The following FSTL4 variants were observed in gnomAD, a reference collection of about 807,000 sequenced individuals.
FSTL4 encodes follistatin like 4.
In FSTL4, 28 loss-of-function variants were observed where a neutral mutation model predicts 78.2. That is an observed-to-expected ratio of 0.36 (90% CI 0.27 to 0.49). FSTL4 has a LOEUF of 0.49. Ranked by LOEUF, FSTL4 falls within the 20% of genes least tolerant of loss-of-function variation. The pLI, the probability that FSTL4 is intolerant of heterozygous loss-of-function variation, is 0.98. For missense variants in FSTL4, 922 were observed against 1,084.9 expected, an observed-to-expected ratio of 0.85 and a Z score of 2.11; for synonymous variants, 422 against 440.5, an observed-to-expected ratio of 0.96 and a Z score of 0.53.
chr5:133,230,208 A>G (rs1052218377), intron 8 of FSTL4, among the ~76,000 whole-genome samples: 2 of 152,160 alleles, frequency 1.3e-5, no homozygotes, highest in Non-Finnish European at 2.9e-5. Flanking sequence ...GCAGACCCAC[A>G]TGAATCGCAT....
chr5:133,703,536 C>T, the FSTL4 span, among the ~76,000 whole-genome samples: 1 of 152,314 alleles, frequency 6.6e-6, no homozygotes, highest in South Asian at 2.1e-4. Context: ...GAGACACTTC[C>T]GTAGAATGTC....
Position 133,426,929 on chromosome 5 carries a change from T to A in FSTL4, c.161-25943A>T, listed in dbSNP as rs375421335. On this transcript the variant is annotated intron_variant, in intron 3 of 15. Coordinates refer to ENST00000265342, the MANE Select transcript of FSTL4 (RefSeq NM_015082.2). The surrounding 1 kb of genome is among the most constrained non-coding windows in gnomAD (Gnocchi z 5.0). ...AAAACAACCTAAATCTCAGCATGTC[T>A]TATGTTCTCAGTGTTCCGTCTCTCA... Among the ~76,000 whole-genome samples, 10 of 152,194 alleles carry A rather than the reference T, an allele frequency of 6.6e-5. No individual in the cohort carries two copies. The East Asian group carries it at 9.6e-4, about 15-fold the overall frequency.
At chr5:133,493,660 G>A (rs774960789) in intron 3 of FSTL4, among the ~76,000 whole-genome samples, 15 of 152,148 alleles carry the variant, frequency 9.9e-5, no homozygotes, top group African/African-American at 2.7e-4. Context: ...TGGGTCTGAC[G>A]CTGCCCCCTC....
intron 4 of FSTL4, among the ~76,000 whole-genome samples, chr5:133,375,703 A>G (rs1755418161): frequency 6.6e-6 from 1 of 152,210 alleles, no homozygotes; most frequent in Non-Finnish European, 1.5e-5. Context: ...GATCCATTAG[A>G]GGCAACTACC....
At chr5:133,374,340 C>G (rs900822888) in intron 4 of FSTL4, among the ~76,000 whole-genome samples, 2 of 152,144 alleles carry the variant, frequency 1.3e-5, no homozygotes, top group Non-Finnish European at 2.9e-5. Flanking sequence ...GGAAAGGGGT[C>G]CACACAGGGG....
Position 133,199,642 on chromosome 5 carries a change from C to T in FSTL4, c.1982G>A (p.Arg661Gln), listed in dbSNP as rs140560463. ...GGCAGCAGAGGCGGGGCTGTCCTGTCGGCACTGGATGAAGAAGTAGCCGCC... is the reference window on the plus strand; with the variant it reads ...GGCAGCAGAGGCGGGGCTGTCCTGTTGGCACTGGATGAAGAAGTAGCCGCC... The part of the protein sequence containing the change: ...HLGGYFFIQC[R>Q]QDSPASAARQ... Residue 661 changes from arginine (R) to glutamine (Q), a missense_variant, in exon 16 of 16, where the codon CGA becomes CAA. By Grantham distance (43) the Arg-to-Gln change is conservative. Transcript: ENST00000265342. The surrounding 1 kb of genome is among the most constrained non-coding windows in gnomAD (Gnocchi z 4.4). The T allele has an allele frequency of 1.8e-5, 29 of 1,614,020 alleles. No individual in the cohort carries two copies. The highest frequency in any genetic ancestry group is 1.6e-4 in the Middle Eastern group (1 of 6,084).
At chr5:133,353,337 C>T (rs999128346) in intron 4 of FSTL4, among the ~76,000 whole-genome samples, 4 of 152,206 alleles carry the variant, frequency 2.6e-5, no homozygotes, top group Non-Finnish European at 1.5e-5. Flanking sequence ...TTCTCTCCTA[C>T]CTAATTTTTG....
intron 4 of FSTL4, among the ~76,000 whole-genome samples, chr5:133,321,598 C>T (rs1754054866): frequency 6.6e-6 from 1 of 152,204 alleles, no homozygotes; most frequent in African/African-American, 2.4e-5. Flanking sequence ...ATAATCCTAG[C>T]ACTTTGGGAG....
intron 6 of FSTL4, among the ~76,000 whole-genome samples, chr5:133,297,609 G>A (rs1422039233): frequency 6.6e-6 from 1 of 152,168 alleles, no homozygotes; most frequent in Non-Finnish European, 1.5e-5. Context: ...AATGTTATTA[G>A]TAATAACAAA....
chr5:133,295,471 T>C (rs1187399451), intron 6 of FSTL4, among the ~76,000 whole-genome samples: 3 of 152,236 alleles, frequency 2.0e-5, no homozygotes, highest in Admixed American at 2.0e-4. Flanking sequence ...AAAAGCCTTC[T>C]TGGCCCTGCT....
chr5:133,829,297 G>A, the FSTL4 span, among the ~76,000 whole-genome samples: 1 of 152,138 alleles, frequency 6.6e-6, no homozygotes, highest in African/African-American at 2.4e-5. Flanking sequence ...CTCAGGACTT[G>A]CATCGCTTGA....
the FSTL4 span, among the ~76,000 whole-genome samples, chr5:133,649,697 A>G: frequency 0.051 from 7,761 of 152,174 alleles, 685 homozygotes; most frequent in African/African-American, 0.18. Context: ...TTTTTTAATT[A>G]TAATGTGTGT....
At chr5:133,738,041 T>G in the FSTL4 span, among the ~76,000 whole-genome samples, 1 of 152,152 alleles carries the variant, frequency 6.6e-6, no homozygotes, top group Non-Finnish European at 1.5e-5. Context: ...AGGTAGCTCT[T>G]GGGACGTGCT....
intron 6 of FSTL4, among the ~76,000 whole-genome samples, chr5:133,289,763 A>G (rs1339770972): frequency 6.6e-6 from 1 of 152,252 alleles, no homozygotes; most frequent in Non-Finnish European, 1.5e-5. Context: ...CAAGCCCTTA[A>G]CTGGTAACAC....
intron 6 of FSTL4, among the ~76,000 whole-genome samples, chr5:133,293,450 ATG>A (rs1753315805): frequency 6.6e-6 from 1 of 152,150 alleles, no homozygotes; most frequent in Non-Finnish European, 1.5e-5. Flanking sequence ...TGTGGCCTGC[ATG>A]TCTTTGGCAG....
At chr5:133,429,123 G>C (rs1226032452) in intron 3 of FSTL4, among the ~76,000 whole-genome samples, 1 of 152,100 alleles carries the variant, frequency 6.6e-6, no homozygotes, top group African/African-American at 2.4e-5. Context: ...CCCTAACCTG[G>C]GTCCCAGATG....
intron 8 of FSTL4, among the ~76,000 whole-genome samples, chr5:133,227,960 C>T (rs561339099): frequency 6.6e-6 from 1 of 152,346 alleles, no homozygotes; most frequent in African/African-American, 2.4e-5. Context: ...GGTGCGGTGG[C>T]TCATGCCTAT....
the FSTL4 span, among the ~76,000 whole-genome samples, chr5:133,689,398 C>G: frequency 1.4e-4 from 22 of 152,332 alleles, no homozygotes; most frequent in Non-Finnish European, 2.8e-4. Context: ...TTGAGGCAAT[C>G]TACAGTGCCA....
intron 2 of FSTL4, among the ~76,000 whole-genome samples, chr5:133,590,916 C>T (rs1760610512): frequency 6.6e-6 from 1 of 152,182 alleles, no homozygotes; most frequent in Non-Finnish European, 1.5e-5. Context: ...ATCCAATTCC[C>T]AGTCTCAAGC....
Sources: gnomAD v4.1 joint callset for allele counts (sites outside exome capture counted in the v4.1 genomes callset) on GRCh38, gnomAD v4.1.1 for gene constraint, Gnocchi (gnomAD v3.1) non-coding constraint, MANE v1.5 for transcripts, NCBI Gene and HGNC (gene_info 2026-07-23, HGNC 2026-07-21) for gene names.